Variants in PARD3B observed in about 807,000 individuals in gnomAD.
PARD3B encodes the protein partitioning defective 3 homolog B.
In PARD3B, 103 loss-of-function variants were observed where a neutral mutation model predicts 130.2. The ratio of observed to expected loss-of-function variants is 0.79; its 90% CI spans 0.67 to 0.93. The LOEUF is 0.93. Ranked by LOEUF, PARD3B falls within the 40% of genes least tolerant of loss-of-function variation. PARD3B has a pLI of 0.00. For missense variants in PARD3B, 1,609 were observed against 1,499.2 expected, an observed-to-expected ratio of 1.07 and a Z score of -1.21; for synonymous variants, 583 against 553.2, an observed-to-expected ratio of 1.05 and a Z score of -0.76.
intron 10 of PARD3B, among the ~76,000 whole-genome samples, chr2:205,153,210 C>T (rs2033880424): frequency 6.6e-6 from 1 of 152,184 alleles, no homozygotes; most frequent in Admixed American, 6.5e-5. Context: ...TGGGAGGTGT[C>T]TCCCAGTTAG....
rs1575497699 is a variant in PARD3B, at chr2:205,617,113, G to T, written c.*1300G>T. The T allele has an allele frequency of 2.6e-5, 4 of 154,508 alleles. No individual in the cohort carries two copies. In the East Asian group the frequency reaches 7.7e-4, roughly 30 times the overall value. 9.6% of individuals were successfully genotyped at this position (154,508 alleles called of 1,614,324 possible). A position where few individuals can be genotyped will look rare whatever the true frequency, so the allele number is the denominator to read the frequency against. ...GGGCCAAGGCCTCCAATTGGCAAAG[G>T]ACAGTGTTATGGCTTTAAAAAGCTG... On this transcript the variant is annotated 3_prime_UTR_variant, in exon 23 of 23. Coordinates refer to ENST00000406610, the MANE Select transcript of PARD3B (RefSeq NM_001302769.2).
intron 10 of PARD3B, among the ~76,000 whole-genome samples, chr2:205,155,268 T>C (rs1035757817): frequency 1.4e-5 from 2 of 146,956 alleles, no homozygotes; most frequent in Non-Finnish European, 3.0e-5. Flanking sequence ...TGTAGATCCA[T>C]GCTCTCTGCA....
At chr2:205,153,679 T>C (rs2033915823) in intron 10 of PARD3B, among the ~76,000 whole-genome samples, 1 of 152,196 alleles carries the variant, frequency 6.6e-6, no homozygotes, top group South Asian at 2.1e-4. Flanking sequence ...AACAGCATGG[T>C]ACTGGTACCA....
intron 18 of PARD3B, among the ~76,000 whole-genome samples, chr2:205,383,949 A>C (rs992475537): frequency 6.6e-6 from 1 of 152,096 alleles, no homozygotes; most frequent in East Asian, 1.9e-4. Context: ...TCTAATGTTT[A>C]TATTTATAAA....
chr2:205,217,569 G>A (rs767506755), intron 15 of PARD3B, among the ~76,000 whole-genome samples: 9 of 151,662 alleles, frequency 5.9e-5, no homozygotes, highest in Non-Finnish European at 1.0e-4. Context: ...CACCCAGAGA[G>A]AAGAATAACC....
At chr2:205,304,622 C>G (rs1434906436) in intron 18 of PARD3B, among the ~76,000 whole-genome samples, 5 of 113,130 alleles carry the variant, frequency 4.4e-5, no homozygotes, top group African/African-American at 1.6e-4. Context: ...GCAACAAGAG[C>G]AAAACTCCAT....
intron 16 of PARD3B, among the ~76,000 whole-genome samples, chr2:205,272,840 A>C (rs2040785053): frequency 6.6e-6 from 1 of 152,208 alleles, no homozygotes; most frequent in Non-Finnish European, 1.5e-5. Flanking sequence ...CAAAACCATT[A>C]CATGAAAACA....
At chr2:204,576,794 G>A (rs1273053823) in intron 1 of PARD3B, among the ~76,000 whole-genome samples, 2 of 152,034 alleles carry the variant, frequency 1.3e-5, no homozygotes, top group African/African-American at 4.8e-5. Context: ...TCCCCTTATG[G>A]TGTCTTTCAG....
chr2:205,612,650 T>G (rs2105797396), intron 22 of PARD3B, among the ~76,000 whole-genome samples: 1 of 152,298 alleles, frequency 6.6e-6, no homozygotes, highest in South Asian at 2.1e-4. Flanking sequence ...CTCATTGTTT[T>G]TCTTCTCTCT....
At chr2:205,123,233 G>A (rs2030970284) in intron 8 of PARD3B, among the ~76,000 whole-genome samples, 1 of 152,202 alleles carries the variant, frequency 6.6e-6, no homozygotes, top group Admixed American at 6.5e-5. Flanking sequence ...GGAAAAAAGA[G>A]AAGAATTACA....
chr2:205,495,970 G>C (rs2049909368), intron 20 of PARD3B, among the ~76,000 whole-genome samples: 1 of 152,102 alleles, frequency 6.6e-6, no homozygotes, highest in Non-Finnish European at 1.5e-5. Flanking sequence ...GCTTTCTGAG[G>C]TTCTAGGCTA....
intron 3 of PARD3B, among the ~76,000 whole-genome samples, chr2:204,968,030 G>A (rs1303704197): frequency 2.6e-5 from 4 of 152,188 alleles, no homozygotes; most frequent in African/African-American, 9.7e-5. Flanking sequence ...CAGTCAGCTA[G>A]TGTAGCCATT....
At chr2:205,377,271 C>T (rs2045097131) in intron 18 of PARD3B, among the ~76,000 whole-genome samples, 1 of 152,166 alleles carries the variant, frequency 6.6e-6, no homozygotes, top group South Asian at 2.1e-4. Context: ...TTCTCGTCTT[C>T]ACCTGAACAA....
At chr2:204,845,835 A>T (rs1397188982) in intron 2 of PARD3B, among the ~76,000 whole-genome samples, 1 of 152,124 alleles carries the variant, frequency 6.6e-6, no homozygotes, top group Non-Finnish European at 1.5e-5. Flanking sequence ...GTATAGATAT[A>T]AGTGATCTGA....
At chr2:205,515,465 T>C (rs993815856) in intron 21 of PARD3B, among the ~76,000 whole-genome samples, 1 of 149,818 alleles carries the variant, frequency 6.7e-6, no homozygotes, top group Non-Finnish European at 1.5e-5. Flanking sequence ...TCACCAACAG[T>C]GTATGAGTGT....
chr2:204,815,079 T>G (rs573264600), intron 2 of PARD3B, among the ~76,000 whole-genome samples: 1 of 151,896 alleles, frequency 6.6e-6, no homozygotes, highest in Non-Finnish European at 1.5e-5. Flanking sequence ...ATAGAATGAG[T>G]CTTGACTTAT....
Position 205,078,078 on chromosome 2 carries a change from TC to T in PARD3B, c.505-26347del, listed in dbSNP as rs1269337206. On this transcript the variant is annotated intron_variant, in intron 4 of 22. Coordinates refer to ENST00000406610, the MANE Select transcript of PARD3B (RefSeq NM_001302769.2). This position sits in a 1 kb window ranked among gnomAD's most constrained non-coding sequence, Gnocchi z 4.0. ...TCATTGTGATTTTAATCCCAGAGAG[TC>T]AGTTTATGTCTGTATAACATGCATG... 6.6e-6 allele frequency among the ~76,000 whole-genome samples: 1 copy of T among 152,180 alleles called. No individual in the cohort carries two copies. The highest frequency in any genetic ancestry group is 2.4e-5 in the African/African-American group (1 of 41,432).
At chr2:205,104,244 G>C (rs1021271153) in intron 4 of PARD3B, among the ~76,000 whole-genome samples, 182 bp from the exon 5 acceptor site, 2 of 152,122 alleles carry the variant, frequency 1.3e-5, no homozygotes, top group African/African-American at 4.8e-5. Flanking sequence ...AAACCAAACA[G>C]GAGAGAAAAG....
intron 3 of PARD3B, among the ~76,000 whole-genome samples, chr2:204,991,987 A>C (rs899694910): frequency 6.6e-6 from 1 of 152,090 alleles, no homozygotes; most frequent in East Asian, 1.9e-4. Context: ...GCCCTTTGTC[A>C]GATGAGTAGG....
Sources: gnomAD v4.1 joint callset for allele counts (sites outside exome capture counted in the v4.1 genomes callset) on GRCh38, gnomAD v4.1.1 for gene constraint, Gnocchi (gnomAD v3.1) non-coding constraint, MANE v1.5 for transcripts, NCBI Gene and HGNC (gene_info 2026-07-23, HGNC 2026-07-21) for gene names.